ENTHD1: variants seen among roughly 807,000 people sequenced by gnomAD.
ENTHD1 encodes the protein ENTH domain-containing protein 1.
In ENTHD1, 23 loss-of-function variants were observed where a neutral mutation model predicts 39.1. The observed-to-expected ratio is 0.59, with a 90% confidence interval of 0.42 to 0.83. The LOEUF is 0.83. ENTHD1 is among the 40% of genes least tolerant of loss of function. The pLI is 0.00. For missense variants in ENTHD1, 624 were observed against 705.4 expected, an observed-to-expected ratio of 0.88 and a Z score of 1.31; for synonymous variants, 230 against 258.2, an observed-to-expected ratio of 0.89 and a Z score of 1.05.
chr22:39,893,686 G>A lies in ENTHD1; in HGVS notation c.-156+9C>T, dbSNP rs2066448379. 6.6e-6 allele frequency: 1 copy of A among 152,274 alleles called. No individual in the cohort carries two copies. The highest frequency in any genetic ancestry group is 6.5e-5 in the Admixed American group (1 of 15,282). 9.4% of individuals were successfully genotyped at this position (152,274 alleles called of 1,614,324 possible). A position where few individuals can be genotyped will look rare whatever the true frequency, so the allele number is the denominator to read the frequency against. On this transcript the variant is annotated intron_variant, in intron 1 of 6. Transcript: ENST00000325157. ...AGCCCCACCACCACTCCCAAGCAGA[G>A]GCTGTTACCTGAGAGGAAAGTCGGC... is the stretch of plus-strand genomic sequence containing the variant.
intron 5 of ENTHD1, among the ~76,000 whole-genome samples, chr22:39,798,211 G>C (rs1668491514): frequency 6.6e-6 from 1 of 151,572 alleles, no homozygotes; most frequent in Middle Eastern, 3.2e-3. Context: ...TCTTTCTTCT[G>C]CTTGTTCTAG....
chr22:39,835,262 C>T (rs547913257), intron 4 of ENTHD1, among the ~76,000 whole-genome samples: 5 of 152,072 alleles, frequency 3.3e-5, no homozygotes, highest in Admixed American at 6.5e-5. Flanking sequence ...GAAGGGCATA[C>T]GGGACTCTGT....
intron 2 of ENTHD1, among the ~76,000 whole-genome samples, chr22:39,862,655 G>A (rs533028521): frequency 6.6e-6 from 1 of 152,144 alleles, no homozygotes; most frequent in East Asian, 1.9e-4. Flanking sequence ...TGACCTAGAT[G>A]TATGACCAGG....
At chr22:39,786,647 T>C (rs966659233) in intron 5 of ENTHD1, among the ~76,000 whole-genome samples, 1 of 152,068 alleles carries the variant, frequency 6.6e-6, no homozygotes, top group African/African-American at 2.4e-5. Flanking sequence ...CTCCAGGACA[T>C]GTTCATCTGA....
At chr22:39,756,279 A>G (rs577492228) in intron 6 of ENTHD1, among the ~76,000 whole-genome samples, 16 of 145,802 alleles carry the variant, frequency 1.1e-4, no homozygotes, top group African/African-American at 3.4e-4. Flanking sequence ...AAACCTATCA[A>G]TGTCTCTGTC....
chr22:39,783,754 T>C (rs145803149), intron 5 of ENTHD1, among the ~76,000 whole-genome samples: 1 of 151,774 alleles, frequency 6.6e-6, no homozygotes, highest in Non-Finnish European at 1.5e-5. Flanking sequence ...CAAATGAAAA[T>C]GGATTAAAGA....
intron 5 of ENTHD1, among the ~76,000 whole-genome samples, chr22:39,786,424 AT>A (rs540362676): frequency 0.014 from 2,098 of 152,190 alleles, 15 homozygotes; most frequent in Non-Finnish European, 0.021. Flanking sequence ...ATTACAATAC[AT>A]TTTTACTTTC....
intron 5 of ENTHD1, among the ~76,000 whole-genome samples, chr22:39,779,143 C>T (rs1257589272): frequency 6.6e-6 from 1 of 151,858 alleles, no homozygotes; most frequent in African/African-American, 2.4e-5. Context: ...ATGGTGAAAC[C>T]CCATCTCTAC....
intron 3 of ENTHD1, among the ~76,000 whole-genome samples, chr22:39,857,633 G>A (rs1162437063): frequency 6.6e-6 from 1 of 151,984 alleles, no homozygotes; most frequent in East Asian, 1.9e-4. Context: ...TGTTCCCTCT[G>A]CCTGATATAC....
At chr22:39,843,983 C>A (rs1342734062) in intron 3 of ENTHD1, among the ~76,000 whole-genome samples, 1 of 152,180 alleles carries the variant, frequency 6.6e-6, no homozygotes, top group East Asian at 1.9e-4. Flanking sequence ...TATTGCTCTG[C>A]TTCCATTTAC....
chr22:39,786,826 A>G (rs1449030946), intron 5 of ENTHD1, among the ~76,000 whole-genome samples: 1 of 152,226 alleles, frequency 6.6e-6, no homozygotes, highest in Non-Finnish European at 1.5e-5. Context: ...TTCACTTAGC[A>G]TAATGTCTTC....
chr22:39,846,943 G>T (rs1312540641), intron 3 of ENTHD1, among the ~76,000 whole-genome samples: 2 of 152,110 alleles, frequency 1.3e-5, no homozygotes, highest in Non-Finnish European at 2.9e-5. Flanking sequence ...TACACTGTTG[G>T]TGGGACTGTA....
At chr22:39,857,128 A>C (rs571653079) in intron 3 of ENTHD1, among the ~76,000 whole-genome samples, 3 of 152,266 alleles carry the variant, frequency 2.0e-5, no homozygotes, top group African/African-American at 4.8e-5. Flanking sequence ...AAGATGGAGA[A>C]TATCATTTTA....
intron 2 of ENTHD1, among the ~76,000 whole-genome samples, chr22:39,884,787 T>C (rs1381643624): frequency 1.3e-5 from 2 of 152,210 alleles, no homozygotes; most frequent in Non-Finnish European, 1.5e-5. Context: ...CGATAAATGG[T>C]AGCAGGGCAT....
chr22:39,775,583 C>T (rs1453090624), intron 5 of ENTHD1, among the ~76,000 whole-genome samples: 1 of 152,140 alleles, frequency 6.6e-6, no homozygotes, highest in Non-Finnish European at 1.5e-5. Context: ...ATCAGCTGCA[C>T]CAGGTTTTTC....
intron 3 of ENTHD1, among the ~76,000 whole-genome samples, chr22:39,843,869 C>T (rs1053671450): frequency 2.0e-5 from 3 of 152,174 alleles, no homozygotes; most frequent in Non-Finnish European, 4.4e-5. Context: ...TGAGAGCCCA[C>T]AGCCAACACC....
chr22:39,815,357 C>A (rs1000258677), intron 5 of ENTHD1, among the ~76,000 whole-genome samples: 1 of 151,560 alleles, frequency 6.6e-6, no homozygotes, highest in Admixed American at 6.6e-5. Flanking sequence ...GCAGGAGAAT[C>A]GCTTGAATCT....
chr22:39,823,383 C>T (rs11704706), intron 4 of ENTHD1, among the ~76,000 whole-genome samples: 57 of 152,130 alleles, frequency 3.7e-4, no homozygotes, highest in Non-Finnish European at 6.2e-4. Flanking sequence ...CTCAGTCTGT[C>T]GCCCAGGCTG....
chr22:39,832,089 G>A (rs538845242), intron 4 of ENTHD1, among the ~76,000 whole-genome samples: 12 of 152,270 alleles, frequency 7.9e-5, no homozygotes, highest in Admixed American at 3.9e-4. Flanking sequence ...AGGCCAAGGC[G>A]GGAGGATCAC....
Sources: gnomAD v4.1 joint callset for allele counts (sites outside exome capture counted in the v4.1 genomes callset) on GRCh38, gnomAD v4.1.1 for gene constraint, MANE v1.5 for transcripts, NCBI Gene and HGNC (gene_info 2026-07-23, HGNC 2026-07-21) for gene names.